IGF1: variants seen among roughly 807,000 people sequenced by gnomAD.
IGF1 encodes the protein insulin-like growth factor 1.
In IGF1, 4 loss-of-function variants were observed where a neutral mutation model predicts 13.8. That is an observed-to-expected ratio of 0.29 (90% CI 0.14 to 0.66). The LOEUF is 0.66. Ranked by LOEUF, IGF1 falls within the 30% of genes least tolerant of loss-of-function variation. IGF1 has a pLI of 0.78. For missense variants in IGF1, 124 were observed against 188.5 expected (o/e 0.66, Z 2.00); for synonymous variants, 76 against 72.6 (o/e 1.05, Z -0.23).
intron 2 of IGF1, among the ~76,000 whole-genome samples, chr12:102,466,535 G>T (rs974516634): frequency 6.6e-6 from 1 of 152,200 alleles, no homozygotes; most frequent in Non-Finnish European, 1.5e-5. Flanking sequence ...AATGTCAATA[G>T]TGTTGAGGCT....
At chr12:102,452,241 G>C (rs879894718) in intron 2 of IGF1, among the ~76,000 whole-genome samples, 29 of 109,436 alleles carry the variant, frequency 2.6e-4, no homozygotes, top group Non-Finnish European at 4.3e-4. Context: ...CAGCCTGGGC[G>C]ACAGAGCGAG....
chr12:102,477,616 A>G (rs1361207074), intron 1 of IGF1, among the ~76,000 whole-genome samples: 1 of 149,120 alleles, frequency 6.7e-6, no homozygotes, highest in Non-Finnish European at 1.5e-5. Context: ...AATCCAACCC[A>G]CCTGGACCTC....
chr12:102,425,624 A>C lies in IGF1; in HGVS notation c.221-5934T>G, dbSNP rs573186110. ...TCTTTTGGAAGCCCAAGTCAAGAGC[A>C]GGTGTGAAAAGAATGCTATTCAGCT... is the stretch of plus-strand genomic sequence containing the variant. On this transcript the variant is annotated intron_variant, in intron 2 of 3. Transcript: ENST00000337514. Among the ~76,000 whole-genome samples the C allele has an allele frequency of 4.6e-5, 7 of 152,364 alleles. No individual in the cohort carries two copies. In the East Asian group the frequency reaches 1.3e-3, roughly 29 times the overall value.
At position 102,441,302 on chromosome 12, in the gene IGF1, A is replaced by G. The variant is rs549188820; in HGVS notation, c.221-21612T>C. 2.2e-4 allele frequency among the ~76,000 whole-genome samples: 34 copies of G among 152,342 alleles called. No homozygotes were observed. The South Asian group carries it at 6.2e-3, about 28-fold the overall frequency. On this transcript the variant is annotated intron_variant, in intron 2 of 3. Transcript: ENST00000337514. ...TACTCAGACTCAAAATGTTACAGTCATCTTTGACTCCTTTCTACTCCTTTA... is the reference window on the plus strand; with the variant it reads ...TACTCAGACTCAAAATGTTACAGTCGTCTTTGACTCCTTTCTACTCCTTTA...
chr12:102,458,410 GAT>G (rs1450553116), intron 2 of IGF1, among the ~76,000 whole-genome samples: 10 of 152,118 alleles, frequency 6.6e-5, no homozygotes, highest in African/African-American at 2.4e-4. Context: ...CAACAAAAAG[GAT>G]CATGTTCTGT....
chr12:102,417,787 C>G (rs1031936619), intron 3 of IGF1: 1 of 1,612,942 alleles, frequency 6.2e-7, no homozygotes, highest in Non-Finnish European at 8.5e-7. Flanking sequence ...TCTCATCATC[C>G]TTGCCTCTGT....
chr12:102,480,496 T>A lies in IGF1; in HGVS notation c.-115A>T. On this transcript the variant is annotated 5_prime_UTR_variant, in exon 1 of 4. In the 5' UTR this introduces an upstream ATG that the reference lacks. Coordinates refer to ENST00000337514, the MANE Select transcript of IGF1 (RefSeq NM_000618.5). ...AATGTCACATTTCAATTTTGAGGAC[T>A]TTATTCCATTGCGCAGGCTCTATCT... The A allele has an allele frequency of 6.4e-7, 1 of 1,563,628 alleles. No homozygotes were observed. The highest frequency in any genetic ancestry group is 8.7e-7 in the Non-Finnish European group (1 of 1,154,894).
intron 2 of IGF1, among the ~76,000 whole-genome samples, chr12:102,452,346 G>T (rs1879039196): frequency 6.7e-6 from 1 of 150,020 alleles, no homozygotes; most frequent in Non-Finnish European, 1.5e-5. Flanking sequence ...CTGCCATGTG[G>T]AACTGTGAGT....
intron 1 of IGF1, among the ~76,000 whole-genome samples, chr12:102,476,726 A>G (rs1881074352): frequency 6.6e-6 from 1 of 152,174 alleles, no homozygotes; most frequent in Non-Finnish European, 1.5e-5. Flanking sequence ...GTGTCACTGT[A>G]TCTATTTTAT....
chr12:102,405,066 A>G (rs1263288694), intron 3 of IGF1, among the ~76,000 whole-genome samples: 3 of 147,368 alleles, frequency 2.0e-5, no homozygotes, highest in South Asian at 2.2e-4. Context: ...TTAATCTTCC[A>G]TTGGGTTCTG....
chr12:102,460,282 GAATATC>G (rs1430533931), intron 2 of IGF1, among the ~76,000 whole-genome samples: 3 of 152,184 alleles, frequency 2.0e-5, no homozygotes, highest in African/African-American at 7.2e-5. Flanking sequence ...CATTGCTCTA[GAATATC>G]AATTCCATGT....
chr12:102,417,036 C>G (rs1875204674), intron 3 of IGF1, among the ~76,000 whole-genome samples: 1 of 152,138 alleles, frequency 6.6e-6, no homozygotes, highest in Admixed American at 6.5e-5. Context: ...AGGGGAGGAG[C>G]CCATGACAGA....
intron 2 of IGF1, among the ~76,000 whole-genome samples, chr12:102,444,425 A>G (rs961929116): frequency 6.6e-6 from 1 of 152,036 alleles, no homozygotes; most frequent in African/African-American, 2.4e-5. Flanking sequence ...GGATCAGGAA[A>G]TGAAAGCATT....
At chr12:102,439,399 T>A (rs988874654) in intron 2 of IGF1, among the ~76,000 whole-genome samples, 1 of 152,200 alleles carries the variant, frequency 6.6e-6, no homozygotes, top group Non-Finnish European at 1.5e-5. Flanking sequence ...AGGATTTGAA[T>A]TTAAGGAGAC....
chr12:102,418,362 A>G (rs1214174645), intron 3 of IGF1, among the ~76,000 whole-genome samples: 2 of 152,242 alleles, frequency 1.3e-5, no homozygotes, highest in South Asian at 2.1e-4. Context: ...GGTCTTGCCC[A>G]GTCCCCTTCC....
chr12:102,448,821 A>C (rs1770195430), intron 2 of IGF1, among the ~76,000 whole-genome samples: 1 of 152,288 alleles, frequency 6.6e-6, no homozygotes, highest in South Asian at 2.1e-4. Flanking sequence ...TGGTCATTAG[A>C]GAAATGCAAA....
chr12:102,456,708 G>A (rs899426209), intron 2 of IGF1, among the ~76,000 whole-genome samples: 24 of 152,012 alleles, frequency 1.6e-4, no homozygotes, highest in Admixed American at 4.6e-4. Context: ...ATGGGATGGC[G>A]GAATGTGAAA....
chr12:102,433,927 C>T (rs1225442974), intron 2 of IGF1, among the ~76,000 whole-genome samples: 1 of 152,132 alleles, frequency 6.6e-6, no homozygotes, highest in African/African-American at 2.4e-5. Flanking sequence ...ACAGAGCAAG[C>T]ACTCCCAGAA....
At chr12:102,405,279 G>T (rs908092392) in intron 3 of IGF1, among the ~76,000 whole-genome samples, 1 of 125,008 alleles carries the variant, frequency 8.0e-6, no homozygotes, top group Non-Finnish European at 1.9e-5. Context: ...ATAGAGATAG[G>T]GTTTCACCAT....
Sources: gnomAD v4.1 joint callset for allele counts (sites outside exome capture counted in the v4.1 genomes callset) on GRCh38, gnomAD v4.1.1 for gene constraint, MANE v1.5 for transcripts, NCBI Gene and HGNC (gene_info 2026-07-23, HGNC 2026-07-21) for gene names.